ANKUB1: variants seen among roughly 807,000 people sequenced by gnomAD.
ANKUB1 encodes the protein ankyrin repeat and ubiquitin domain containing 1, also known as protein ANKUB1.
ANKUB1 carries 42 observed loss-of-function variants against 49.3 expected under a neutral mutation model. That is an observed-to-expected ratio of 0.85 (90% CI 0.67 to 1.10). The LOEUF (loss-of-function observed/expected upper bound fraction) is 1.10, where lower values mean the gene tolerates loss of function less well. ANKUB1 is among the 50% of genes least tolerant of loss of function. ANKUB1 has a pLI of 0.00. For missense variants in ANKUB1, 613 were observed against 642.0 expected, an observed-to-expected ratio of 0.95 and a Z score of 0.49; for synonymous variants, 222 against 231.0, an observed-to-expected ratio of 0.96 and a Z score of 0.35.
chr3:149,769,197 A>C (rs1341409710), intron 4 of ANKUB1, among the ~76,000 whole-genome samples: 1 of 152,188 alleles, frequency 6.6e-6, no homozygotes, highest in Admixed American at 6.5e-5. Context: ...ATGAGGGGGC[A>C]CTTTTCTAAA....
intron 5 of ANKUB1, among the ~76,000 whole-genome samples, chr3:149,766,249 C>T (rs1015766621): frequency 1.3e-5 from 2 of 152,192 alleles, no homozygotes; most frequent in African/African-American, 4.8e-5. Flanking sequence ...TCAATTCTAG[C>T]ACCCTGTCCA....
At position 149,767,923 on chromosome 3, in the gene ANKUB1, C is replaced by T. The variant is rs1717128488; in HGVS notation, c.739G>A (p.Ala247Thr). The T allele has an allele frequency of 6.5e-7, 1 of 1,550,284 alleles. No homozygotes were observed. Among genetic ancestry groups the T allele is most frequent in the Admixed American group, 2.0e-5 (1 of 50,984 alleles). Residue 247 changes from alanine to threonine, a missense_variant, in exon 5 of 6, where the codon GCC becomes ACC. Coordinates refer to ENST00000446160, the MANE Select transcript of ANKUB1 (RefSeq NM_001144960.3). ...ADVSKCPIHA[A>T]AEAGQLLILK... ...ATCAACAGTTGGCCTGCTTCTGCGG[C>T]TGCATGAATGGGGCATTTAGAGACA...
intron 2 of ANKUB1, among the ~76,000 whole-genome samples, chr3:149,788,621 TA>T (rs2108282129): frequency 6.6e-6 from 1 of 152,290 alleles, no homozygotes; most frequent in Non-Finnish European, 1.5e-5. Flanking sequence ...AAACTTCAGG[TA>T]AAAGAGTTCA....
Position 149,761,494 on chromosome 3 carries a change from G to C in ANKUB1, c.1625C>G (p.Thr542Ser), listed in dbSNP as rs1229662441. The change falls in exon 6 of 6, where the codon ACT becomes AGT. Residue 542 changes from threonine to serine, a missense_variant. Physicochemically the swap from Thr to Ser is moderately conservative, Grantham distance 58. Transcript: ENST00000446160. ...AGTTGTCATGACTTTTCAAAGCACA[G>C]TTTCTAGAGAGTTTTCACACGCTGT... ...GLTACENSLETVL is the reference protein window; with the variant it reads ...GLTACENSLESVL 4 of 1,551,380 alleles carry C rather than the reference G, an allele frequency of 2.6e-6. No homozygotes were observed. The South Asian group carries it at 4.8e-5, about 18-fold the overall frequency.
At chr3:149,766,974 A>T in intron 5 of ANKUB1, 183 bp downstream of exon 5, 1 of 1,001,836 alleles carries the variant, frequency 1.0e-6, no homozygotes, top group Non-Finnish European at 1.5e-6. Context: ...TGGATTGGCC[A>T]ATAATATTAA....
chr3:149,761,145 C>A lies in ANKUB1; in HGVS notation c.*339G>T, dbSNP rs1279465855. On this transcript the variant is annotated 3_prime_UTR_variant, in exon 6 of 6. Transcript: ENST00000446160. ...TCATATGGCTTAAAAAACCAAAACA[C>A]ATTTTTTTAGGAAAAAAAAAGAAAA... The A allele has an allele frequency of 6.3e-6, 1 of 158,478 alleles. No homozygotes were observed. The highest frequency in any genetic ancestry group is 2.4e-5 in the African/African-American group (1 of 41,618). The allele number at this position is 158,478 out of a possible 1,614,324, so 9.8% of individuals were successfully genotyped here.
chr3:149,761,695 T>C, intron 5 of ANKUB1, 82 bp from the exon 6 acceptor site: 1 of 1,450,104 alleles, frequency 6.9e-7, no homozygotes, highest in Non-Finnish European at 9.2e-7. Context: ...AATCTTCAGG[T>C]TGATTTTGTA....
rs1576667872 is a variant in ANKUB1, at chr3:149,766,837, GCAGCAGCAGCA to G, written c.1505+309_1505+319del. ...AAGAAAAGCAGCAGCAGCAGCAGCA[GCAGCAGCAGCA>G]GCAGCAGCAGCAGCAGCAGCAGCAG... On this transcript the variant is annotated intron_variant, in intron 5 of 5. Coordinates refer to ENST00000446160, the MANE Select transcript of ANKUB1 (RefSeq NM_001144960.3). 6 of 776,008 alleles carry G rather than the reference GCAGCAGCAGCA, an allele frequency of 7.7e-6. No individual in the cohort carries two copies. The East Asian group carries it at 1.8e-4, about 24-fold the overall frequency. The allele number at this position is 776,008 out of a possible 1,614,324, so 48.1% of individuals were successfully genotyped here. A position where few individuals can be genotyped will look rare whatever the true frequency, so the allele number is the denominator to read the frequency against.
At position 149,767,836 on chromosome 3, in the gene ANKUB1, T is replaced by G. The variant is rs1481128803; in HGVS notation, c.826A>C (p.Thr276Pro). 6.4e-7 allele frequency: 1 copy of G among 1,551,482 alleles called. No individual in the cohort carries two copies. Reference protein sequence around the residue: ...CLECKNAAGQTPLTIVFKHKH... With the variant: ...CLECKNAAGQPPLTIVFKHKH... ...TGTTTGAACACAATGGTCAGGGGAG[T>G]TTGTCCTGCTGCATTTTTGCATTCC... The change falls in exon 5 of 6, where the codon ACT becomes CCT. Residue 276 changes from threonine (T) to proline (P), a missense_variant. By Grantham distance (38) the Thr-to-Pro change is conservative. Coordinates refer to ENST00000446160, the MANE Select transcript of ANKUB1 (RefSeq NM_001144960.3).
intron 5 of ANKUB1, chr3:149,766,523 G>T (rs1456538185): frequency 1.1e-5 from 3 of 277,286 alleles, no homozygotes; most frequent in Non-Finnish European, 2.1e-5. Flanking sequence ...TAGCAGGCTA[G>T]GCACAGTGGT....
intron 5 of ANKUB1, among the ~76,000 whole-genome samples, chr3:149,765,017 A>G (rs1373868111): frequency 6.6e-6 from 1 of 152,238 alleles, no homozygotes; most frequent in Non-Finnish European, 1.5e-5. Context: ...ATATGCAAGA[A>G]CAATCATGCA....
At chr3:149,768,241 T>A in intron 4 of ANKUB1, 146 bp from the exon 5 acceptor site, 1 of 617,542 alleles carries the variant, frequency 1.6e-6, no homozygotes, top group Non-Finnish European at 2.6e-6. Flanking sequence ...AAAAGGCATA[T>A]AGTGACATAC....
intron 3 of ANKUB1, chr3:149,779,925 C>T (rs777378833): frequency 3.2e-6 from 1 of 312,630 alleles, no homozygotes; most frequent in Non-Finnish European, 6.1e-6. Flanking sequence ...AGAAATAATG[C>T]CTCCATTTGT....
In ANKUB1 at chr3:149,761,631, A is replaced by C. The variant is rs570148032; in HGVS notation, c.1506-18T>G. On this transcript the variant is annotated intron_variant, in intron 5 of 5. Transcript: ENST00000446160. ...TAAAGGCACTGCAAGAAAACAAGAT[A>C]TAATTTGTAAGGAGGTCTGATCTTG... is the stretch of plus-strand genomic sequence containing the variant. 1,287 of 1,549,740 alleles carry C rather than the reference A, an allele frequency of 8.3e-4. 8 individuals carry two copies. Among genetic ancestry groups the C allele is most frequent in the Non-Finnish European group, 3.6e-4 (410 of 1,146,240 alleles).
At chr3:149,787,073 T>C (rs1559871456) in intron 2 of ANKUB1, among the ~76,000 whole-genome samples, 6 of 152,302 alleles carry the variant, frequency 3.9e-5, no homozygotes. Context: ...TTTGGTTCCA[T>C]ATGAACTTTA....
intron 1 of ANKUB1, 93 bp downstream of exon 1, chr3:149,792,184 A>G: frequency 1.3e-6 from 1 of 780,638 alleles, no homozygotes. Flanking sequence ...CTGAAAATGT[A>G]CCCAATAGCA....
At chr3:149,771,949 A>G (rs1054544454) in intron 3 of ANKUB1, among the ~76,000 whole-genome samples, 2 of 146,516 alleles carry the variant, frequency 1.4e-5, no homozygotes, top group African/African-American at 2.5e-5. Flanking sequence ...TTTCTCCTGC[A>G]TTTTTTTTTC....
intron 3 of ANKUB1, among the ~76,000 whole-genome samples, chr3:149,771,911 C>T (rs1717382001): frequency 6.6e-6 from 1 of 152,104 alleles, no homozygotes; most frequent in Admixed American, 6.5e-5. Flanking sequence ...TCTAAAAGAC[C>T]ACTCATTATC....
chr3:149,770,596 A>G lies in ANKUB1; in HGVS notation c.530T>C (p.Val177Ala). The G allele has an allele frequency of 6.5e-7, 1 of 1,550,190 alleles. No individual in the cohort carries two copies. Among genetic ancestry groups the G allele is most frequent in the Non-Finnish European group, 8.7e-7 (1 of 1,146,436 alleles). The change falls in exon 4 of 6, where the codon GTC (valine) becomes GCC (alanine). Residue 177 changes from valine (V) to alanine (A), a missense_variant. Val to Ala is a moderately conservative substitution (Grantham distance 64). Transcript: ENST00000446160. ...MGCLLGQKLKVQRYLSKEGPV... is the reference protein window; with the variant it reads ...MGCLLGQKLKAQRYLSKEGPV... ...TCCTTCTTTTGATAAGTAGCGTTGG[A>G]CTTTAAGTTTTTGTCCAAGGAGACA...
Sources: gnomAD v4.1 joint callset for allele counts (sites outside exome capture counted in the v4.1 genomes callset) on GRCh38, gnomAD v4.1.1 for gene constraint, MANE v1.5 for transcripts, NCBI Gene and HGNC (gene_info 2026-07-23, HGNC 2026-07-21) for gene names.